The following ECHDC1 variants were observed in gnomAD, a reference collection of about 807,000 sequenced individuals.
The protein encoded by ECHDC1 is ethylmalonyl-CoA decarboxylase.
In ECHDC1, 29 loss-of-function variants were observed where a neutral mutation model predicts 29.7. The ratio of observed to expected loss-of-function variants is 0.98; its 90% confidence interval spans 0.73 to 1.33. The LOEUF (loss-of-function observed/expected upper bound fraction) is 1.33. Among genes scored for constraint, ECHDC1 ranks in the 40% most tolerant of loss-of-function variants. The probability of loss-of-function intolerance (pLI) is 0.00; values close to 1 mark genes in which losing one functional copy is unlikely to be tolerated. For missense variants in ECHDC1, 328 were observed against 350.0 expected (o/e 0.94, Z 0.50); for synonymous variants, 126 against 123.1 (o/e 1.02, Z -0.15).
intron 5 of ECHDC1, among the ~76,000 whole-genome samples, chr6:127,291,882 A>C (rs1406264792): frequency 1.3e-5 from 2 of 152,126 alleles, no homozygotes; most frequent in South Asian, 2.1e-4. Flanking sequence ...TCTAGAGGCA[A>C]ATAGCTATGA....
intron 5 of ECHDC1, among the ~76,000 whole-genome samples, chr6:127,298,978 C>T (rs540631057): frequency 3.8e-4 from 58 of 151,780 alleles, no homozygotes; most frequent in Admixed American, 2.8e-3. Context: ...TGGCCTCAAG[C>T]GATCCTCCTG....
chr6:127,307,961 A>G (rs900690771), intron 5 of ECHDC1, among the ~76,000 whole-genome samples: 3 of 152,098 alleles, frequency 2.0e-5, no homozygotes, highest in Non-Finnish European at 2.9e-5. Flanking sequence ...TCAAAACCTG[A>G]ACAGACCAAT....
chr6:127,339,888 CAAAT>C (rs553571286), intron 1 of ECHDC1, among the ~76,000 whole-genome samples: 144 of 152,158 alleles, frequency 9.5e-4, no homozygotes, highest in African/African-American at 3.2e-3. Flanking sequence ...CATAGTCAGC[CAAAT>C]AAATAAATAA....
chr6:127,333,136 C>A (rs11154398), intron 1 of ECHDC1, among the ~76,000 whole-genome samples: 81,926 of 151,966 alleles, frequency 0.54, 24,218 homozygotes, highest in Non-Finnish European at 0.68. Context: ...CATAAGCTAT[C>A]GGTTTAAATG....
chr6:127,290,286 GA>G lies in ECHDC1; in HGVS notation c.498-10del, dbSNP rs746726547. On this transcript the variant is annotated splice_polypyrimidine_tract_variant and intron_variant, in intron 5 of 5. Coordinates refer to ENST00000454859, the MANE Select transcript of ECHDC1 (RefSeq NM_001002030.2). Reference sequence around the variant, plus strand: ...TCTCTGGAGTCATTAACCTGTAAAAGAAAAAAGAAAAGCTTAATTGTAACTC... The same window carrying G: ...TCTCTGGAGTCATTAACCTGTAAAAGAAAAAGAAAAGCTTAATTGTAACTC... 6.3e-7 allele frequency: 1 copy of G among 1,597,438 alleles called. No individual in the cohort carries two copies. The highest frequency in any genetic ancestry group is 1.1e-5 in the South Asian group (1 of 89,466).
At chr6:127,305,634 A>G (rs1351769894) in intron 5 of ECHDC1, among the ~76,000 whole-genome samples, 3 of 152,192 alleles carry the variant, frequency 2.0e-5, no homozygotes, top group Admixed American at 1.3e-4. Context: ...TACAACAAAA[A>G]ATTAAAAAGC....
At chr6:127,298,259 G>A (rs1162613314) in intron 5 of ECHDC1, among the ~76,000 whole-genome samples, 2 of 151,976 alleles carry the variant, frequency 1.3e-5, no homozygotes, top group African/African-American at 4.8e-5. Context: ...TACAATTCCA[G>A]TTTCTCTCTC....
intron 3 of ECHDC1, among the ~76,000 whole-genome samples, chr6:127,322,773 G>A (rs1782947985): frequency 1.3e-5 from 2 of 151,806 alleles, no homozygotes; most frequent in Admixed American, 1.3e-4. Flanking sequence ...CTAACTAAAA[G>A]AAAATTAGAA....
At chr6:127,320,268 C>T (rs560029089) in intron 3 of ECHDC1, among the ~76,000 whole-genome samples, 69 of 152,266 alleles carry the variant, frequency 4.5e-4, no homozygotes, top group Non-Finnish European at 6.2e-4. Context: ...CTGCCCACCT[C>T]GGCCTCCCAA....
At chr6:127,342,457 A>G (rs527750147) in intron 1 of ECHDC1, 2 of 1,399,478 alleles carry the variant, frequency 1.4e-6, no homozygotes, top group African/African-American at 2.9e-5. Flanking sequence ...TCAGGCCAGA[A>G]CCCAATAAAA....
intron 5 of ECHDC1, among the ~76,000 whole-genome samples, chr6:127,301,884 A>C (rs1271552102): frequency 9.9e-5 from 15 of 152,204 alleles, no homozygotes; most frequent in Non-Finnish European, 2.2e-4. Flanking sequence ...ACCAAGACAC[A>C]AGGTTTGTGA....
chr6:127,320,614 C>T (rs1782757547), intron 3 of ECHDC1, among the ~76,000 whole-genome samples: 1 of 152,168 alleles, frequency 6.6e-6, no homozygotes, highest in African/African-American at 2.4e-5. Flanking sequence ...ACTTTGATTA[C>T]TTATTCCCTC....
intron 5 of ECHDC1, among the ~76,000 whole-genome samples, chr6:127,298,789 C>T (rs753273104): frequency 4.6e-5 from 7 of 151,982 alleles, no homozygotes; most frequent in Non-Finnish European, 7.4e-5. Flanking sequence ...GCTACCTGTA[C>T]AGAAGTATAG....
At chr6:127,326,225 G>A (rs1783319236) in intron 3 of ECHDC1, among the ~76,000 whole-genome samples, 1 of 152,150 alleles carries the variant, frequency 6.6e-6, no homozygotes, top group African/African-American at 2.4e-5. Context: ...GATAGTGAAT[G>A]AGTTCTCATG....
chr6:127,303,487 A>G (rs1781211304), intron 5 of ECHDC1, among the ~76,000 whole-genome samples: 1 of 152,202 alleles, frequency 6.6e-6, no homozygotes, highest in Non-Finnish European at 1.5e-5. Context: ...TCCTTAAGCC[A>G]AAGGCTAATC....
chr6:127,319,700 A>C (rs1251537408), intron 3 of ECHDC1, among the ~76,000 whole-genome samples: 1 of 152,242 alleles, frequency 6.6e-6, no homozygotes, highest in Non-Finnish European at 1.5e-5. Flanking sequence ...AATGTATAAA[A>C]GCTGGAAGCT....
At chr6:127,325,980 G>C (rs987986972) in intron 3 of ECHDC1, among the ~76,000 whole-genome samples, 4 of 152,058 alleles carry the variant, frequency 2.6e-5, no homozygotes, top group African/African-American at 4.8e-5. Context: ...TCATATTATA[G>C]GTGTGAGCCA....
chr6:127,298,242 T>C (rs902010026), intron 5 of ECHDC1, among the ~76,000 whole-genome samples: 2 of 152,144 alleles, frequency 1.3e-5, no homozygotes, highest in Admixed American at 1.3e-4. Flanking sequence ...AATTAAAAAT[T>C]AAAAAATACA....
chr6:127,309,370 A>G (rs1048317498), intron 5 of ECHDC1, among the ~76,000 whole-genome samples: 2 of 152,036 alleles, frequency 1.3e-5, no homozygotes, highest in African/African-American at 4.8e-5. Context: ...TGATGCTGGG[A>G]AAACTGGATA....
Sources: allele counts gnomAD v4.1 joint callset (sites outside exome capture counted in the v4.1 genomes callset), GRCh38; gene constraint gnomAD v4.1.1; transcripts MANE v1.5; gene names NCBI Gene and HGNC (gene_info 2026-07-23, HGNC 2026-07-21).